PCDHGA10: variants seen among roughly 807,000 people sequenced by gnomAD.
PCDHGA10 encodes the protein protocadherin gamma-A10.
Under a neutral mutation model 59.5 loss-of-function variants are expected in PCDHGA10, and 42 were observed. The observed-to-expected ratio is 0.71, with a 90% CI of 0.55 to 0.91. The LOEUF is 0.91. Ranked by LOEUF, PCDHGA10 falls within the 40% of genes least tolerant of loss-of-function variation. The probability of loss-of-function intolerance (pLI) is 0.00; values close to 1 mark genes in which losing one functional copy is unlikely to be tolerated. For missense variants in PCDHGA10, 1,111 were observed against 1,198.2 expected (o/e 0.93, Z 1.07); for synonymous variants, 511 against 517.2 (o/e 0.99, Z 0.16).
Position 141,414,514 on chromosome 5 carries a change from G to A in PCDHGA10, c.1339G>A (p.Ala447Thr). Residue 447 changes from alanine (A) to threonine (T), a missense_variant, in exon 1 of 4, where the codon GCA becomes ACA. Transcript: ENST00000398610. ...STEAHFMLQV[A>T]DINDNPPTFS... is the part of the protein sequence containing the mutation. The stretch of plus-strand genomic sequence containing the variant: ...GGAAGCTCACTTTATGCTACAAGTG[G>A]CAGATATCAATGACAACCCACCTAC... 1 of 1,613,964 alleles carries A rather than the reference G, an allele frequency of 6.2e-7. No individual in the cohort carries two copies. The highest frequency in any genetic ancestry group is 8.5e-7 in the Non-Finnish European group (1 of 1,179,900).
intron 1 of PCDHGA10, chr5:141,428,402 G>T (rs899477196): frequency 1.7e-5 from 8 of 479,776 alleles, no homozygotes; most frequent in African/African-American, 1.4e-4. Flanking sequence ...TCTGCCTGGG[G>T]TTGCTTTCAC....
chr5:141,434,026 A>G (rs2154556044), intron 1 of PCDHGA10, among the ~76,000 whole-genome samples: 1 of 152,236 alleles, frequency 6.6e-6, no homozygotes, highest in Admixed American at 6.5e-5. Flanking sequence ...TGATTCTGGA[A>G]GCATGGTTTT....
intron 1 of PCDHGA10, chr5:141,426,675 C>T: frequency 2.3e-6 from 1 of 431,942 alleles, no homozygotes; most frequent in South Asian, 1.6e-5. Flanking sequence ...TAACCCACCT[C>T]ATTTTCCCCA....
intron 2 of PCDHGA10, among the ~76,000 whole-genome samples, chr5:141,498,604 C>G (rs1445417630): frequency 6.6e-6 from 1 of 152,122 alleles, no homozygotes; most frequent in East Asian, 1.9e-4. Flanking sequence ...GGTTCAAGTT[C>G]AAGTCAGCAC....
chr5:141,415,325 C>T lies in PCDHGA10; in HGVS notation c.2150C>T (p.Ala717Val), dbSNP rs1046074461. Residue 717 changes from alanine to valine, a missense_variant, in exon 1 of 4, where the codon GCG becomes GTG. Ala to Val is a moderately conservative substitution (Grantham distance 64). Transcript: ENST00000398610. ...VFLAFVIVLL[A>V]HRLRRWHKSR... ...CTGGCCTTCGTCATCGTGCTGCTGG[C>T]GCACAGGCTGCGGCGCTGGCACAAG... 35 of 1,614,212 alleles carry T rather than the reference C, an allele frequency of 2.2e-5. No homozygotes were observed. Among genetic ancestry groups the T allele is most frequent in the East Asian group, 6.7e-5 (3 of 44,886 alleles).
At chr5:141,499,689 CT>C (rs545067566) in intron 2 of PCDHGA10, among the ~76,000 whole-genome samples, 4,434 of 119,828 alleles carry the variant, frequency 0.037, 46 homozygotes, top group African/African-American at 0.083. Context: ...TAACAGATGA[CT>C]TTTTTTTTTT....
At chr5:141,428,187 C>A in intron 1 of PCDHGA10, 1 of 1,439,502 alleles carries the variant, frequency 6.9e-7, no homozygotes, top group Non-Finnish European at 9.6e-7. Flanking sequence ...GGACAGCCGC[C>A]GCTCTCTGCG....
rs1416755901 is a variant in PCDHGA10 at position 141,489,721 on chromosome 5, G to C, written c.2437-5086G>C. The C allele has an allele frequency of 6.2e-7, 1 of 1,614,016 alleles. No homozygotes were observed. The highest frequency in any genetic ancestry group is 8.5e-7 in the Non-Finnish European group (1 of 1,179,966). On this transcript the variant is annotated intron_variant, in intron 1 of 3. Coordinates refer to ENST00000398610, the MANE Select transcript of PCDHGA10 (RefSeq NM_018913.3). The surrounding 1 kb of genome is among the most constrained non-coding windows in gnomAD (Gnocchi z 4.5). ...CCCACTGGACAGTGCCCAGGATCCGGATGTGGGCACCAATACTGTGAGCTT... is the reference window on the plus strand; with the variant it reads ...CCCACTGGACAGTGCCCAGGATCCGCATGTGGGCACCAATACTGTGAGCTT...
chr5:141,480,951 G>A (rs924500955), intron 1 of PCDHGA10, among the ~76,000 whole-genome samples: 4 of 152,038 alleles, frequency 2.6e-5, no homozygotes, highest in Non-Finnish European at 2.9e-5. Flanking sequence ...AGGCTGAGGC[G>A]GAAGCATCAG....
chr5:141,419,264 G>T (rs2096351955), intron 1 of PCDHGA10: 1 of 1,614,036 alleles, frequency 6.2e-7, no homozygotes, highest in Non-Finnish European at 8.5e-7. Context: ...CCAGCCGGGT[G>T]CCTCCATAGC....
chr5:141,502,282 C>A (rs187281689), intron 2 of PCDHGA10, among the ~76,000 whole-genome samples: 1 of 151,848 alleles, frequency 6.6e-6, no homozygotes, highest in Non-Finnish European at 1.5e-5. Flanking sequence ...GCATAGATTG[C>A]ATTTGGTTGT....
intron 1 of PCDHGA10, among the ~76,000 whole-genome samples, chr5:141,482,329 T>A (rs1334833454): frequency 6.6e-6 from 1 of 152,160 alleles, no homozygotes; most frequent in Non-Finnish European, 1.5e-5. Context: ...ATAAAGAGAA[T>A]ATCTACTTTG....
chr5:141,491,982 T>G lies in PCDHGA10; in HGVS notation c.2437-2825T>G. On this transcript the variant is annotated intron_variant, in intron 1 of 3. Coordinates refer to ENST00000398610, the MANE Select transcript of PCDHGA10 (RefSeq NM_018913.3). This position sits in a 1 kb window ranked among gnomAD's most constrained non-coding sequence, Gnocchi z 6.9. Reference sequence around the variant, plus strand: ...AAAAGGCCGGGGCCTCCTTCGAGCTTCCGGTGAATTTCGGGCGATTTCCGC... The same window carrying G: ...AAAAGGCCGGGGCCTCCTTCGAGCTGCCGGTGAATTTCGGGCGATTTCCGC... The G allele has an allele frequency of 2.6e-6, 2 of 759,438 alleles. No homozygotes were observed. Among genetic ancestry groups the G allele is most frequent in the East Asian group, 3.2e-5 (1 of 31,728 alleles). The allele number at this position is 759,438 out of a possible 1,614,324, so 47.0% of individuals were successfully genotyped here. A position where few individuals can be genotyped will look rare whatever the true frequency, so the allele number is the denominator to read the frequency against.
intron 1 of PCDHGA10, among the ~76,000 whole-genome samples, chr5:141,444,000 A>T (rs2098413157): frequency 6.6e-6 from 1 of 152,070 alleles, no homozygotes; most frequent in African/African-American, 2.4e-5. Context: ...TTTAAATGCT[A>T]CCTGGGTATT....
chr5:141,443,974 G>A (rs775899117), intron 1 of PCDHGA10, among the ~76,000 whole-genome samples: 5 of 152,066 alleles, frequency 3.3e-5, no homozygotes, highest in Non-Finnish European at 7.4e-5. Context: ...GTCCATCTAA[G>A]CTATGTTAAT....
intron 3 of PCDHGA10, among the ~76,000 whole-genome samples, chr5:141,510,531 T>C (rs1459536719): frequency 6.6e-6 from 1 of 152,078 alleles, no homozygotes; most frequent in Non-Finnish European, 1.5e-5. Context: ...CTGAGAGAAA[T>C]ACCAGCGAAT....
At chr5:141,423,033 C>A (rs2096701827) in intron 1 of PCDHGA10, 2 of 1,614,102 alleles carry the variant, frequency 1.2e-6, no homozygotes, top group Non-Finnish European at 1.7e-6. Flanking sequence ...CAGGCCAGAA[C>A]GCCTGGCTGT....
At position 141,476,321 on chromosome 5, in the gene PCDHGA10, G is replaced by A; in HGVS notation, c.2437-18486G>A. 1 of 1,614,196 alleles carries A rather than the reference G, an allele frequency of 6.2e-7. No homozygotes were observed. The highest frequency in any genetic ancestry group is 1.3e-5 in the African/African-American group (1 of 75,054). ...CCTCTCAGCCCGCAGGTTCCGGGTG[G>A]TGTCTGGAGCTAGCCGAAGATTCTT... On this transcript the variant is annotated intron_variant, in intron 1 of 3. Coordinates refer to ENST00000398610, the MANE Select transcript of PCDHGA10 (RefSeq NM_018913.3). The surrounding 1 kb of genome is among the most constrained non-coding windows in gnomAD (Gnocchi z 7.6).
intron 2 of PCDHGA10, among the ~76,000 whole-genome samples, chr5:141,500,381 T>G (rs1013284512): frequency 7.2e-5 from 11 of 151,786 alleles, no homozygotes; most frequent in African/African-American, 2.7e-4. Flanking sequence ...GCTAATTATT[T>G]TGTATTTTTA....
Sources: allele counts gnomAD v4.1 joint callset (sites outside exome capture counted in the v4.1 genomes callset), GRCh38; gene constraint gnomAD v4.1.1; non-coding constraint Gnocchi (gnomAD v3.1); transcripts MANE v1.5; gene names NCBI Gene and HGNC (gene_info 2026-07-23, HGNC 2026-07-21).